The following KIZ variants were observed in gnomAD, a reference collection of about 807,000 sequenced individuals.
The protein encoded by KIZ is centrosomal protein kizuna.
In KIZ, 68 loss-of-function variants were observed where a neutral mutation model predicts 79.6. The observed-to-expected ratio is 0.85, with a 90% confidence interval of 0.70 to 1.05. The LOEUF (loss-of-function observed/expected upper bound fraction) is 1.05. Among genes scored for constraint, KIZ ranks in the 50% least tolerant of loss-of-function variants. KIZ has a pLI of 0.00. For missense variants in KIZ, 797 were observed against 800.4 expected (o/e 1.00, Z 0.05); for synonymous variants, 280 against 281.8 (o/e 0.99, Z 0.06).
At chr20:21,215,745 G>A in intron 9 of KIZ, 97 bp downstream of exon 9, 1 of 696,638 alleles carries the variant, frequency 1.4e-6, no homozygotes. Context: ...CCCACTAAGA[G>A]CACATGTATT....
chr20:21,172,122 T>G (rs765024581), intron 6 of KIZ, among the ~76,000 whole-genome samples: 15 of 152,240 alleles, frequency 9.9e-5, no homozygotes, highest in Non-Finnish European at 1.8e-4. Context: ...GGTGGTTGTT[T>G]TAAGCTACTA....
intron 10 of KIZ, among the ~76,000 whole-genome samples, chr20:21,231,528 C>T (rs1019661957): frequency 2.6e-5 from 4 of 152,162 alleles, no homozygotes; most frequent in African/African-American, 7.2e-5. Context: ...CTCAAAATTA[C>T]ACTACATGTT....
chr20:21,129,692 A>G (rs915910377), intron 1 of KIZ, among the ~76,000 whole-genome samples: 1 of 151,986 alleles, frequency 6.6e-6, no homozygotes, highest in Non-Finnish European at 1.5e-5. Context: ...AGATTGTGCC[A>G]TTGTACTCCA....
In KIZ at chr20:21,220,158, G is replaced by T. The variant is rs1263666141; in HGVS notation, c.1678+4510G>T. Among the ~76,000 whole-genome samples, 5 of 149,364 alleles carry T rather than the reference G, an allele frequency of 3.3e-5. No individual in the cohort carries two copies. In the East Asian group the frequency reaches 9.7e-4, roughly 29 times the overall value. ...ATATTATATATCATATATCATTATAGATGATTATATATAAAATCCTTAATT... is the reference window on the plus strand; with the variant it reads ...ATATTATATATCATATATCATTATATATGATTATATATAAAATCCTTAATT... On this transcript the variant is annotated intron_variant, in intron 9 of 12. Coordinates refer to ENST00000619189, the MANE Select transcript of KIZ (RefSeq NM_018474.6).
intron 6 of KIZ, among the ~76,000 whole-genome samples, chr20:21,167,646 C>T (rs972812286): frequency 1.4e-5 from 2 of 147,180 alleles, no homozygotes; most frequent in African/African-American, 4.9e-5. Context: ...ACTGCAACCT[C>T]CACCTCCCGG....
intron 6 of KIZ, among the ~76,000 whole-genome samples, chr20:21,180,924 A>G (rs905914763): frequency 6.6e-6 from 1 of 152,240 alleles, no homozygotes; most frequent in Non-Finnish European, 1.5e-5. Context: ...AGCCCTACCC[A>G]TGTCCAGATT....
chr20:21,193,618 A>G (rs551118387), intron 6 of KIZ, among the ~76,000 whole-genome samples: 227 of 147,856 alleles, frequency 1.5e-3, no homozygotes, highest in Non-Finnish European at 2.7e-3. Flanking sequence ...ATGTCCAACA[A>G]TGATAGACTG....
intron 6 of KIZ, among the ~76,000 whole-genome samples, chr20:21,188,082 TA>T (rs1600488520): frequency 1.3e-5 from 2 of 152,186 alleles, no homozygotes; most frequent in African/African-American, 2.4e-5. Flanking sequence ...AAGTGAATCA[TA>T]AAAACCTGAA....
intron 7 of KIZ, among the ~76,000 whole-genome samples, chr20:21,210,122 A>G (rs1255588431): frequency 1.3e-5 from 2 of 152,116 alleles, no homozygotes; most frequent in Admixed American, 6.5e-5. Flanking sequence ...AGTCTGGCCA[A>G]TGTGGTAAAA....
intron 9 of KIZ, among the ~76,000 whole-genome samples, chr20:21,227,532 TAAAAAC>T (rs2036696648): frequency 6.6e-6 from 1 of 152,198 alleles, no homozygotes; most frequent in Non-Finnish European, 1.5e-5. Flanking sequence ...TTTTATAAAA[TAAAAAC>T]AAAACAGGGC....
chr20:21,238,822 C>T (rs1269004986), intron 11 of KIZ, among the ~76,000 whole-genome samples: 2 of 152,230 alleles, frequency 1.3e-5, no homozygotes, highest in Non-Finnish European at 2.9e-5. Flanking sequence ...TCTGCCCCTG[C>T]TCTTGGAAGG....
At chr20:21,211,117 C>G (rs114583060) in intron 7 of KIZ, among the ~76,000 whole-genome samples, 1,932 of 152,104 alleles carry the variant, frequency 0.013, 32 homozygotes, top group African/African-American at 0.044. Context: ...ATATCACAAC[C>G]GTAAGTTTTT....
intron 6 of KIZ, chr20:21,166,608 G>T: frequency 8.5e-7 from 1 of 1,176,178 alleles, no homozygotes; most frequent in Non-Finnish European, 1.2e-6. Context: ...GTGGCGGTGC[G>T]GAAAGAGCTT....
At chr20:21,129,086 G>A (rs894664992) in intron 1 of KIZ, among the ~76,000 whole-genome samples, 24 of 152,136 alleles carry the variant, frequency 1.6e-4, no homozygotes, top group African/African-American at 5.8e-4. Flanking sequence ...GCCATGGAAA[G>A]GCTTTTCATT....
chr20:21,245,103 C>G (rs1260332320), intron 12 of KIZ: 2 of 152,204 alleles, frequency 1.3e-5, no homozygotes, highest in African/African-American at 2.4e-5. Context: ...CCTTAAACCC[C>G]TTATACCTTA....
At chr20:21,165,401 G>A (rs1271396004) in intron 6 of KIZ, among the ~76,000 whole-genome samples, 2 of 152,190 alleles carry the variant, frequency 1.3e-5, no homozygotes, top group South Asian at 2.1e-4. Context: ...GGTGAGGAGG[G>A]CCTTTTGGAG....
chr20:21,164,374 T>C (rs1200404963), intron 6 of KIZ, among the ~76,000 whole-genome samples: 2 of 152,206 alleles, frequency 1.3e-5, no homozygotes, highest in Non-Finnish European at 2.9e-5. Flanking sequence ...ACCGACATGG[T>C]TCCTGTCATT....
chr20:21,239,223 A>G (rs1451161561), intron 11 of KIZ, among the ~76,000 whole-genome samples: 1 of 152,214 alleles, frequency 6.6e-6, no homozygotes, highest in Non-Finnish European at 1.5e-5. Context: ...TGCAGTGAGC[A>G]GAGTCTTTCT....
chr20:21,138,714 T>C (rs2122407060), intron 3 of KIZ, among the ~76,000 whole-genome samples: 1 of 152,232 alleles, frequency 6.6e-6, no homozygotes, highest in Non-Finnish European at 1.5e-5. Context: ...GTAACTCATC[T>C]ATAGAGTGAT....
Sources: gnomAD v4.1 joint callset for allele counts (sites outside exome capture counted in the v4.1 genomes callset) on GRCh38, gnomAD v4.1.1 for gene constraint, MANE v1.5 for transcripts, NCBI Gene and HGNC (gene_info 2026-07-23, HGNC 2026-07-21) for gene names.